The following EIF4ENIF1 variants were observed in gnomAD, a reference collection of about 807,000 sequenced individuals.
The protein encoded by EIF4ENIF1 is eukaryotic translation initiation factor 4E transporter.
Under a neutral mutation model 110.5 loss-of-function variants are expected in EIF4ENIF1, and 23 were observed. That is an observed-to-expected ratio of 0.21 (90% CI 0.15 to 0.29). EIF4ENIF1 has a LOEUF of 0.29. EIF4ENIF1 is among the 10% of genes least tolerant of loss of function. The pLI, the probability that EIF4ENIF1 is intolerant of heterozygous loss-of-function variation, is 1.00. For synonymous variants in EIF4ENIF1, 440 were observed against 437.0 expected, an observed-to-expected ratio of 1.01 and a Z score of -0.09; for missense variants, 1,031 against 1,221.1, an observed-to-expected ratio of 0.84 and a Z score of 2.32.
chr22:31,479,215 T>C (rs557501387), intron 2 of EIF4ENIF1, among the ~76,000 whole-genome samples: 35 of 152,064 alleles, frequency 2.3e-4, no homozygotes, highest in African/African-American at 7.9e-4. Context: ...TACAGGCTCA[T>C]GCCGCCATGC....
At chr22:31,479,846 A>G (rs993180235) in intron 2 of EIF4ENIF1, among the ~76,000 whole-genome samples, 1 of 151,724 alleles carries the variant, frequency 6.6e-6, no homozygotes, top group Non-Finnish European at 1.5e-5. Flanking sequence ...CAAGCAGCTA[A>G]GACTACAGGT....
At chr22:31,461,299 C>T (rs1322209971) in intron 6 of EIF4ENIF1, among the ~76,000 whole-genome samples, 1 of 152,176 alleles carries the variant, frequency 6.6e-6, no homozygotes. Context: ...CACCTTAGAG[C>T]CAGGTCACTG....
chr22:31,483,426 C>T (rs1449126094), intron 2 of EIF4ENIF1, among the ~76,000 whole-genome samples: 1 of 151,806 alleles, frequency 6.6e-6, no homozygotes, highest in Non-Finnish European at 1.5e-5. Flanking sequence ...TGGTCTTGAA[C>T]TCCTGGGCTC....
At position 31,482,676 on chromosome 22, in the gene EIF4ENIF1, G is replaced by A. The variant is rs34414150; in HGVS notation, c.96+5947C>T. ...CAGCCTGGGTGACAGAGTGAGACGC[G>A]GTCTCAAAAACAAACAAAAAAAAAC... On this transcript the variant is annotated intron_variant, in intron 2 of 18. Coordinates refer to ENST00000330125, the MANE Select transcript of EIF4ENIF1 (RefSeq NM_019843.4). 2.9e-3 allele frequency among the ~76,000 whole-genome samples: 436 copies of A among 150,860 alleles called. 2 individuals carry two copies. Among genetic ancestry groups the A allele is most frequent in the African/African-American group, 8.2e-3 (336 of 40,966 alleles).
At position 31,463,671 on chromosome 22, in the gene EIF4ENIF1, AAAG is replaced by A; in HGVS notation, c.585+7_585+9del. On this transcript the variant is annotated splice_region_variant and intron_variant, in intron 5 of 18. Coordinates refer to ENST00000330125, the MANE Select transcript of EIF4ENIF1 (RefSeq NM_019843.4). ...CAATTTAAAAAAAAAAAAAAAAAAA[AAAG>A]ACAAACCCTGAAACGCTTGTCCTTG... 4 of 1,561,300 alleles carry A rather than the reference AAAG, an allele frequency of 2.6e-6. No homozygotes were observed. The South Asian group carries it at 3.7e-5, about 14-fold the overall frequency.
intron 3 of EIF4ENIF1, among the ~76,000 whole-genome samples, chr22:31,471,161 G>A (rs1046540200): frequency 3.3e-5 from 5 of 151,914 alleles, no homozygotes; most frequent in Admixed American, 3.3e-4. Context: ...ATGAAATAAA[G>A]CTAATCTGAA....
In EIF4ENIF1 at chr22:31,488,652, C is replaced by G. The variant is rs746764778; in HGVS notation, c.67G>C (p.Ala23Pro). The change falls in exon 2 of 19, where the codon GCC becomes CCC. Residue 23 changes from alanine (A) to proline (P), a missense_variant. Ala to Pro is a conservative substitution (Grantham distance 27). This residue lies in a region of EIF4ENIF1 where 704 missense variants were observed against 879.7 expected (regional missense o/e 0.80). Transcript: ENST00000330125. ...GTATAGCGATGGGGGCATTTGGAGG[C>G]AGGAGGCTTCTTCAGGTCAAGGAAA... ...DAFLDLKKPP[A>P]SKCPHRYTKE... The G allele has an allele frequency of 3.1e-6, 5 of 1,614,108 alleles. No individual in the cohort carries two copies. In the South Asian group the frequency reaches 4.4e-5, roughly 14 times the overall value.
At chr22:31,483,128 G>T (rs2051885802) in intron 2 of EIF4ENIF1, among the ~76,000 whole-genome samples, 1 of 149,348 alleles carries the variant, frequency 6.7e-6, no homozygotes, top group African/African-American at 2.5e-5. Flanking sequence ...TAACAGAATA[G>T]CAGGTACTAT....
intron 5 of EIF4ENIF1, 76 bp from the exon 6 acceptor site, chr22:31,463,209 A>G: frequency 7.1e-7 from 1 of 1,402,708 alleles, no homozygotes; most frequent in East Asian, 2.3e-5. Context: ...CTTCGTTGTA[A>G]TGTTCAATAG....
intron 3 of EIF4ENIF1, among the ~76,000 whole-genome samples, chr22:31,468,628 C>T (rs2051269321): frequency 6.6e-6 from 1 of 152,198 alleles, no homozygotes; most frequent in African/African-American, 2.4e-5. Context: ...CTCCTAACCT[C>T]AAGTAATCTG....
In EIF4ENIF1 at chr22:31,449,372, G is replaced by A. The variant is rs773341283; in HGVS notation, c.1744C>T (p.Arg582Cys). ...QTRAASADYL[R>C]PRIPSPIGFT... is the part of the protein sequence containing the mutation. ...CCAATTGGTGATGGTATTCTTGGGCGAAGGTAGTCAGCTGAGGCTGCTCGA... is the reference window on the plus strand; with the variant it reads ...CCAATTGGTGATGGTATTCTTGGGCAAAGGTAGTCAGCTGAGGCTGCTCGA... The change falls in exon 12 of 19, where the codon CGC (arginine) becomes TGC (cysteine). Residue 582 changes from arginine to cysteine, a missense_variant. Physicochemically the swap from Arg to Cys is radical, Grantham distance 180. Coordinates refer to ENST00000330125, the MANE Select transcript of EIF4ENIF1 (RefSeq NM_019843.4). The A allele has an allele frequency of 1.1e-5, 17 of 1,613,690 alleles. No homozygotes were observed. Among genetic ancestry groups the A allele is most frequent in the Middle Eastern group, 1.6e-4 (1 of 6,080 alleles).
chr22:31,453,698 T>C (rs948770046), intron 10 of EIF4ENIF1, among the ~76,000 whole-genome samples: 1 of 152,196 alleles, frequency 6.6e-6, no homozygotes, highest in Non-Finnish European at 1.5e-5. Context: ...TACAAATGAT[T>C]TGTATGACTG....
At chr22:31,445,438 G>A (rs1186531962) in intron 14 of EIF4ENIF1, among the ~76,000 whole-genome samples, 1 of 152,164 alleles carries the variant, frequency 6.6e-6, no homozygotes, top group Non-Finnish European at 1.5e-5. Context: ...CTAAATTCAT[G>A]GCTTCTTTCT....
intron 10 of EIF4ENIF1, chr22:31,450,892 C>CAA (rs2145931262): frequency 1.4e-5 from 2 of 148,004 alleles, no homozygotes; most frequent in East Asian, 4.0e-4. Context: ...CACACACACA[C>CAA]ACAAAAGAGA....
At chr22:31,470,642 T>C (rs867815147) in intron 3 of EIF4ENIF1, among the ~76,000 whole-genome samples, 37 of 151,652 alleles carry the variant, frequency 2.4e-4, no homozygotes, top group Middle Eastern at 6.9e-3. Flanking sequence ...TTTTTTAACA[T>C]ATAAAGCATC....
At chr22:31,450,155 GCAA>G (rs758553877) in intron 11 of EIF4ENIF1, 131 bp downstream of exon 11, 8 of 704,148 alleles carry the variant, frequency 1.1e-5, no homozygotes, top group Non-Finnish European at 2.0e-5. Context: ...ACTATGTCAG[GCAA>G]CAATATCACC....
In EIF4ENIF1 at chr22:31,462,992, G is replaced by T. The variant is rs149500536; in HGVS notation, c.727C>A (p.Leu243Ile). 3.7e-6 allele frequency: 6 copies of T among 1,614,128 alleles called. No individual in the cohort carries two copies. Among genetic ancestry groups the T allele is most frequent in the Non-Finnish European group, 5.1e-6 (6 of 1,180,026 alleles). ...TTTCTCCCTTTGTGATCTTCTTCTA[G>T]TATCTTATCATCAAAGCCAGTCAGT... is the stretch of plus-strand genomic sequence containing the variant. ...IELTGFDDKI[L>I]EEDHKGRKRT... The change falls in exon 6 of 19, where the codon CTA (leucine) becomes ATA (isoleucine). Residue 243 changes from leucine to isoleucine, a missense_variant. This residue lies in a region of EIF4ENIF1 where 704 missense variants were observed against 879.7 expected (regional missense o/e 0.80). Transcript: ENST00000330125.
chr22:31,472,896 C>A (rs940337940), intron 2 of EIF4ENIF1, among the ~76,000 whole-genome samples: 1 of 152,134 alleles, frequency 6.6e-6, no homozygotes, highest in African/African-American at 2.4e-5. Context: ...CTCTGCTCTG[C>A]TATCAAACAT....
At chr22:31,487,775 G>C (rs1220163008) in intron 2 of EIF4ENIF1, among the ~76,000 whole-genome samples, 2 of 141,254 alleles carry the variant, frequency 1.4e-5, no homozygotes, top group Non-Finnish European at 3.0e-5. Context: ...CGGCGACAAA[G>C]TGACGCCCTG....
Sources: allele counts gnomAD v4.1 joint callset (sites outside exome capture counted in the v4.1 genomes callset), GRCh38; gene constraint gnomAD v4.1.1; regional missense constraint gnomAD v4.1.1; transcripts MANE v1.5; gene names NCBI Gene and HGNC (gene_info 2026-07-23, HGNC 2026-07-21).